Variants in ABLIM1 observed in about 807,000 individuals in gnomAD.
The protein encoded by ABLIM1 is actin-binding LIM protein 1.
In ABLIM1, 40 loss-of-function variants were observed where a neutral mutation model predicts 107.0. The ratio of observed to expected loss-of-function variants is 0.37; its 90% CI spans 0.29 to 0.49. The LOEUF (loss-of-function observed/expected upper bound fraction) is 0.49. ABLIM1 is among the 20% of genes least tolerant of loss of function. The pLI, the probability that ABLIM1 is intolerant of heterozygous loss-of-function variation, is 0.97. For synonymous variants in ABLIM1, 357 were observed against 357.3 expected (o/e 1.00, Z 0.01); for missense variants, 857 against 1,008.5 (o/e 0.85, Z 2.04).
chr10:114,486,132 A>G (rs137954290), intron 8 of ABLIM1, among the ~76,000 whole-genome samples: 196 of 152,288 alleles, frequency 1.3e-3, no homozygotes, highest in African/African-American at 4.5e-3. Context: ...GGGTGGAAGT[A>G]TTTCACTAGT....
At chr10:114,631,901 C>T (rs1194116282) in intron 1 of ABLIM1, 7 of 1,304,224 alleles carry the variant, frequency 5.4e-6, no homozygotes, top group South Asian at 1.2e-5. Context: ...TTTATAATTA[C>T]CTTTTTCCTT....
At chr10:114,673,665 T>G (rs563869638) in intron 1 of ABLIM1, among the ~76,000 whole-genome samples, 154 of 152,322 alleles carry the variant, frequency 1.0e-3, no homozygotes, top group Non-Finnish European at 1.8e-3. Flanking sequence ...TAAATTAGAT[T>G]CTCTTATTAT....
rs980531973 is a variant in ABLIM1 at position 114,554,562 on chromosome 10, C to T, written c.674-6786G>A. 6.6e-5 allele frequency among the ~76,000 whole-genome samples: 10 copies of T among 152,186 alleles called. 1 individual carries two copies. Among genetic ancestry groups the T allele is most frequent in the South Asian group, 2.1e-4 (1 of 4,826 alleles). ...AAAATAGAATAGCGAGGCGTGGCAG[C>T]GCTAGGACTGCAAGTCCTAGCTACT... On this transcript the variant is annotated intron_variant, in intron 4 of 22. Coordinates refer to ENST00000533213, the MANE Select transcript of ABLIM1 (RefSeq NM_002313.7).
intron 1 of ABLIM1, among the ~76,000 whole-genome samples, chr10:114,671,833 C>A (rs1228318468): frequency 2.0e-5 from 3 of 152,076 alleles, no homozygotes; most frequent in African/African-American, 7.2e-5. Context: ...GGCTTATCTG[C>A]CTTTTTCTTA....
chr10:114,575,281 A>T, intron 3 of ABLIM1, 135 bp downstream of exon 3: 2 of 962,740 alleles, frequency 2.1e-6, no homozygotes, highest in Non-Finnish European at 3.1e-6. Flanking sequence ...GACTGATAGT[A>T]CAGTAAGAAA....
At chr10:114,515,777 G>A (rs376479090) in intron 6 of ABLIM1, among the ~76,000 whole-genome samples, 3 of 152,196 alleles carry the variant, frequency 2.0e-5, no homozygotes, top group Admixed American at 6.5e-5. Context: ...GAGGGAGGGA[G>A]ACAGACAAGG....
intron 8 of ABLIM1, chr10:114,485,330 C>G (rs2058032163): frequency 6.2e-7 from 1 of 1,613,158 alleles, no homozygotes; most frequent in East Asian, 2.2e-5. Context: ...TGCGTCGAAT[C>G]AGACTTTTGG....
chr10:114,629,487 T>G lies in ABLIM1; in HGVS notation c.245-27526A>C, dbSNP rs2078029032. ...TGACAACGGGCCAACCTGTTTTGGTTGTTTGAAGATCTACAGTGGGGGAAA... is the reference window on the plus strand; with the variant it reads ...TGACAACGGGCCAACCTGTTTTGGTGGTTTGAAGATCTACAGTGGGGGAAA... On this transcript the variant is annotated intron_variant, in intron 1 of 22. Transcript: ENST00000533213. The surrounding 1 kb of genome is among the most constrained non-coding windows in gnomAD (Gnocchi z 4.0). 6.6e-6 allele frequency among the ~76,000 whole-genome samples: 1 copy of G among 152,166 alleles called. No individual in the cohort carries two copies. Among genetic ancestry groups the G allele is most frequent in the African/African-American group, 2.4e-5 (1 of 41,452 alleles).
intron 6 of ABLIM1, among the ~76,000 whole-genome samples, chr10:114,493,022 T>C (rs2059210898): frequency 6.6e-6 from 1 of 152,190 alleles, no homozygotes; most frequent in Non-Finnish European, 1.5e-5. Flanking sequence ...ATTCCAGAAG[T>C]GGTGCTCTTG....
At chr10:114,585,071 G>C (rs2074037327) in intron 2 of ABLIM1, among the ~76,000 whole-genome samples, 1 of 151,580 alleles carries the variant, frequency 6.6e-6, no homozygotes, top group South Asian at 2.1e-4. Flanking sequence ...TTCTACCATT[G>C]CACAGATTAC....
intron 2 of ABLIM1, chr10:114,595,013 T>C (rs1205086451): frequency 6.6e-6 from 1 of 152,116 alleles, no homozygotes. Context: ...AGGGAGTAGT[T>C]GATTTTATAT....
chr10:114,447,243 G>A (rs2061150522), intron 15 of ABLIM1, among the ~76,000 whole-genome samples: 1 of 152,158 alleles, frequency 6.6e-6, no homozygotes, highest in Non-Finnish European at 1.5e-5. Flanking sequence ...AAAGCATGGA[G>A]CAAAGAATGA....
At chr10:114,592,392 C>T (rs1443433843) in intron 2 of ABLIM1, among the ~76,000 whole-genome samples, 2 of 152,020 alleles carry the variant, frequency 1.3e-5, no homozygotes, top group African/African-American at 4.8e-5. Flanking sequence ...CAGAATTCAG[C>T]AGAGTGAAAC....
rs977202602 is a variant in ABLIM1 at position 114,431,687 on chromosome 10, A to T, written c.*4573T>A. 3 of 152,214 alleles carry T rather than the reference A, an allele frequency of 2.0e-5. No homozygotes were observed. Among genetic ancestry groups the T allele is most frequent in the Non-Finnish European group, 4.4e-5 (3 of 68,038 alleles). The allele number at this position is 152,214 out of a possible 1,614,324, so 9.4% of individuals were successfully genotyped here. A position where few individuals can be genotyped will look rare whatever the true frequency, so the allele number is the denominator to read the frequency against. On this transcript the variant is annotated 3_prime_UTR_variant, in exon 23 of 23. Coordinates refer to ENST00000533213, the MANE Select transcript of ABLIM1 (RefSeq NM_002313.7). ...CCACCTTTGGTCAATGGGTTCAGGA[A>T]GTGACTCATGGGAACTGCACTCTTA... is the stretch of plus-strand genomic sequence containing the variant.
At chr10:114,447,534 A>G (rs999600917) in intron 15 of ABLIM1, among the ~76,000 whole-genome samples, 3 of 152,228 alleles carry the variant, frequency 2.0e-5, no homozygotes, top group African/African-American at 7.2e-5. Context: ...CTCTAATTAT[A>G]TAGAACAATG....
chr10:114,504,141 G>A (rs144354801), intron 6 of ABLIM1, among the ~76,000 whole-genome samples: 5 of 152,264 alleles, frequency 3.3e-5, no homozygotes, highest in Admixed American at 6.5e-5. Context: ...GTTACCAAAC[G>A]ATCAACTTTT....
At chr10:114,591,882 G>A (rs150374562) in intron 2 of ABLIM1, among the ~76,000 whole-genome samples, 234 of 152,060 alleles carry the variant, frequency 1.5e-3, no homozygotes, top group African/African-American at 5.4e-3. Flanking sequence ...CACTTCCTTT[G>A]GGTGTCCTGT....
intron 12 of ABLIM1, among the ~76,000 whole-genome samples, chr10:114,454,164 T>C (rs1032084288): frequency 2.6e-5 from 4 of 152,150 alleles, no homozygotes; most frequent in Non-Finnish European, 5.9e-5. Context: ...GATTCAATCA[T>C]TGAAATATTT....
At chr10:114,470,559 C>T (rs868028419) in intron 10 of ABLIM1, among the ~76,000 whole-genome samples, 36 of 152,024 alleles carry the variant, frequency 2.4e-4, no homozygotes, top group African/African-American at 8.5e-4. Context: ...AAAGAGTTCA[C>T]TAATATATCT....
Sources: gnomAD v4.1 joint callset for allele counts (sites outside exome capture counted in the v4.1 genomes callset) on GRCh38, gnomAD v4.1.1 for gene constraint, Gnocchi (gnomAD v3.1) non-coding constraint, MANE v1.5 for transcripts, NCBI Gene and HGNC (gene_info 2026-07-23, HGNC 2026-07-21) for gene names.